Variants in OR1L8 observed in about 807,000 individuals in gnomAD.
OR1L8 encodes the protein olfactory receptor 1L8.
For synonymous variants in OR1L8, 148 were observed against 147.0 expected (o/e 1.01, Z -0.05); for missense variants, 330 against 377.4 (o/e 0.87, Z 1.04).
the OR1L8 span, among the ~76,000 whole-genome samples, chr9:122,552,057 ACT>A: frequency 0.031 from 4,417 of 143,886 alleles, 135 homozygotes; most frequent in African/African-American, 0.068. Context: ...ACACACATAC[ACT>A]CTCTCTCTCT....
chr9:122,555,953 A>C, the OR1L8 span, among the ~76,000 whole-genome samples: 6 of 152,202 alleles, frequency 3.9e-5, no homozygotes, highest in Non-Finnish European at 8.8e-5. Context: ...ACAAATGCTT[A>C]ATAGCATGTA....
rs1213982468 is a variant in OR1L8, at chr9:122,567,665, G to T, written c.813C>A (p.Asp271Glu). The change falls in exon 5 of 5, where the codon GAC becomes GAA. Residue 271 changes from aspartate (D) to glutamate (E), a missense_variant. By Grantham distance (45) the Asp-to-Glu change is conservative. Transcript: ENST00000641027. ...CTGTGTAAACAATTGTTGCCACGTGGTCCTTGACAGCGTAGGTGGATGGGG... is the reference window on the plus strand; with the variant it reads ...CTGTGTAAACAATTGTTGCCACGTGTTCCTTGACAGCGTAGGTGGATGGGG... ...LQPPSTYAVK[D>E]HVATIVYTVL... 1 of 1,614,070 alleles carries T rather than the reference G, an allele frequency of 6.2e-7. No individual in the cohort carries two copies. Among genetic ancestry groups the T allele is most frequent in the Middle Eastern group, 1.6e-4 (1 of 6,062 alleles).
downstream of OR1L8, among the ~76,000 whole-genome samples, chr9:122,562,357 T>C (rs528377386): frequency 8.3e-4 from 127 of 152,358 alleles, no homozygotes; most frequent in African/African-American, 2.7e-3. Flanking sequence ...CTGCAACTCC[T>C]CCCAGGAAGT....
At chr9:122,559,977 G>C in the OR1L8 span, among the ~76,000 whole-genome samples, 3 of 152,168 alleles carry the variant, frequency 2.0e-5, no homozygotes, top group Middle Eastern at 3.2e-3. Flanking sequence ...TCTCTTTGTA[G>C]GTCTCTAAGA....
chr9:122,572,273 A>G (rs1023127678), intron 4 of OR1L8, among the ~76,000 whole-genome samples: 11 of 152,230 alleles, frequency 7.2e-5, no homozygotes, highest in Admixed American at 5.9e-4. Context: ...ACAGATCCAA[A>G]CCATATCAAA....
the OR1L8 span, among the ~76,000 whole-genome samples, chr9:122,559,599 G>C: frequency 6.6e-6 from 1 of 152,254 alleles, no homozygotes; most frequent in African/African-American, 2.4e-5. Flanking sequence ...AGTCATTCAG[G>C]AGTAGGTTGT....
chr9:122,553,316 T>C, the OR1L8 span: 1 of 1,614,052 alleles, frequency 6.2e-7, no homozygotes, highest in Non-Finnish European at 8.5e-7. Flanking sequence ...GCATCTTCCT[T>C]GGCATGTACC....
chr9:122,557,876 G>C, the OR1L8 span, among the ~76,000 whole-genome samples: 2 of 151,964 alleles, frequency 1.3e-5, no homozygotes, highest in African/African-American at 4.8e-5. Context: ...TAACTATTGA[G>C]TTAATTTCTT....
intron 4 of OR1L8, among the ~76,000 whole-genome samples, chr9:122,569,070 G>C (rs1829492575): frequency 6.6e-6 from 1 of 152,028 alleles, no homozygotes; most frequent in Non-Finnish European, 1.5e-5. Context: ...AAAACTAATG[G>C]TTTTTCAAAA....
At chr9:122,555,048 A>G in the OR1L8 span, among the ~76,000 whole-genome samples, 1 of 150,936 alleles carries the variant, frequency 6.6e-6, no homozygotes, top group East Asian at 2.1e-4. Flanking sequence ...ATGAAATTCT[A>G]GGTTATCAAT....
chr9:122,570,914 T>C (rs562769342), intron 4 of OR1L8, among the ~76,000 whole-genome samples: 1 of 152,330 alleles, frequency 6.6e-6, no homozygotes, highest in African/African-American at 2.4e-5. Context: ...TTATTACTGT[T>C]GCCATTTTTA....
the OR1L8 span, among the ~76,000 whole-genome samples, chr9:122,547,702 C>T: frequency 3.3e-5 from 5 of 151,434 alleles, no homozygotes; most frequent in African/African-American, 1.2e-4. Flanking sequence ...CGTTGATGAA[C>T]ACTTAGTTTG....
At chr9:122,546,296 C>T in the OR1L8 span, among the ~76,000 whole-genome samples, 1 of 152,056 alleles carries the variant, frequency 6.6e-6, no homozygotes, top group Non-Finnish European at 1.5e-5. Flanking sequence ...AATTTTTTGC[C>T]ACTCTTCCTA....
the OR1L8 span, among the ~76,000 whole-genome samples, chr9:122,549,637 GT>G: frequency 4.6e-5 from 7 of 152,184 alleles, no homozygotes; most frequent in Middle Eastern, 6.8e-3. Flanking sequence ...CCCAGTGTAT[GT>G]TTTTGTTAAC....
At chr9:122,554,288 T>TAAAAAAAA in the OR1L8 span, 1 of 507,140 alleles carries the variant, frequency 2.0e-6, no homozygotes. Flanking sequence ...GTTAGGGATG[T>TAAAAAAAA]AAAAAAAAAA....
chr9:122,580,386 G>A (rs1037538750), intron 1 of OR1L8, among the ~76,000 whole-genome samples: 1 of 152,154 alleles, frequency 6.6e-6, no homozygotes, highest in Non-Finnish European at 1.5e-5. Context: ...AATGAATGCC[G>A]AGTGCCAATG....
At position 122,567,930 on chromosome 9, in the gene OR1L8, C is replaced by G; in HGVS notation, c.548G>C (p.Ser183Thr). The change falls in exon 5 of 5, where the codon AGC (serine) becomes ACC (threonine). Residue 183 changes from serine (S) to threonine (T), a missense_variant. Physicochemically the swap from Ser to Thr is moderately conservative, Grantham distance 58 (BLOSUM62 1). Coordinates refer to ENST00000641027, the MANE Select transcript of OR1L8 (RefSeq NM_001004454.2). Reference sequence around the variant, plus strand: ...AGAGCAGGACAATTTCAGCACAGGGCTGAGGTCACAGAGAAAGTGGTGGAT... The same window carrying G: ...AGAGCAGGACAATTTCAGCACAGGGGTGAGGTCACAGAGAAAGTGGTGGAT... ...NVIHHFLCDL[S>T]PVLKLSCSSI... The G allele has an allele frequency of 1.2e-6, 2 of 1,614,098 alleles. No homozygotes were observed. Among genetic ancestry groups the G allele is most frequent in the Non-Finnish European group, 1.7e-6 (2 of 1,179,980 alleles).
chr9:122,580,186 C>G (rs1829722508), intron 1 of OR1L8, among the ~76,000 whole-genome samples: 1 of 152,088 alleles, frequency 6.6e-6, no homozygotes, highest in Non-Finnish European at 1.5e-5. Context: ...AAAAATGTTC[C>G]AAGAATATTT....
intron 4 of OR1L8, among the ~76,000 whole-genome samples, chr9:122,569,199 T>G (rs1292323711): frequency 6.6e-6 from 1 of 152,212 alleles, no homozygotes; most frequent in Non-Finnish European, 1.5e-5. Context: ...GCTATCATCA[T>G]TAGTTTGCAC....
Sources: allele counts gnomAD v4.1 joint callset (sites outside exome capture counted in the v4.1 genomes callset), GRCh38; gene constraint gnomAD v4.1.1; transcripts MANE v1.5; gene names NCBI Gene and HGNC (gene_info 2026-07-23, HGNC 2026-07-21).